Variants in HTR4 observed in about 807,000 individuals in gnomAD.
HTR4 encodes the protein 5-hydroxytryptamine receptor 4, also known as 5-hydroxytryptamine (serotonin) receptor 4, G protein-coupled.
HTR4 carries 16 observed loss-of-function variants against 36.8 expected under a neutral mutation model. The observed-to-expected ratio is 0.43, with a 90% CI of 0.29 to 0.66. The LOEUF (loss-of-function observed/expected upper bound fraction) is 0.66. Among genes scored for constraint, HTR4 ranks in the 30% least tolerant of loss-of-function variants. HTR4 has a pLI of 0.13. For missense variants in HTR4, 438 were observed against 490.9 expected (o/e 0.89, Z 1.02); for synonymous variants, 189 against 185.1 (o/e 1.02, Z -0.17).
chr5:148,600,851 A>G (rs1480876479), intron 2 of HTR4, among the ~76,000 whole-genome samples: 1 of 151,780 alleles, frequency 6.6e-6, no homozygotes. Flanking sequence ...AAGCTCCTCC[A>G]TAGCAAAATA....
intron 2 of HTR4, among the ~76,000 whole-genome samples, chr5:148,594,696 C>T (rs1761704800): frequency 6.6e-6 from 1 of 152,096 alleles, no homozygotes; most frequent in Admixed American, 6.6e-5. Flanking sequence ...TACCGCAACC[C>T]AGTCACTGTT....
At chr5:148,579,891 G>A (rs1265829868) in intron 2 of HTR4, among the ~76,000 whole-genome samples, 2 of 151,940 alleles carry the variant, frequency 1.3e-5, no homozygotes, top group Admixed American at 1.3e-4. Context: ...GATTTAAAGG[G>A]CTCATCTGAT....
At chr5:148,555,604 C>G (rs1254470149) in intron 2 of HTR4, among the ~76,000 whole-genome samples, 1 of 152,190 alleles carries the variant, frequency 6.6e-6, no homozygotes, top group Non-Finnish European at 1.5e-5. Context: ...TCAAGCAATC[C>G]TGTCAACCAC....
intron 2 of HTR4, among the ~76,000 whole-genome samples, chr5:148,598,470 T>A (rs1310340773): frequency 3.3e-5 from 5 of 151,880 alleles, no homozygotes; most frequent in African/African-American, 7.3e-5. Context: ...GAGAAACACT[T>A]GAACCCGGGA....
At chr5:148,475,611 C>A (rs1168973915), downstream of HTR4, among the ~76,000 whole-genome samples, 2 of 152,212 alleles carry the variant, frequency 1.3e-5, no homozygotes, top group Non-Finnish European at 2.9e-5. Context: ...GTCCTCTTAG[C>A]CTTTGCCTTC....
At chr5:148,459,345 G>C (rs1755206324) in intron 5 of HTR4, among the ~76,000 whole-genome samples, 1 of 152,176 alleles carries the variant, frequency 6.6e-6, no homozygotes, top group South Asian at 2.1e-4. Flanking sequence ...GCTTCTGACA[G>C]GGAGGAGGGA....
At chr5:148,592,823 GTA>G (rs1250749488) in intron 2 of HTR4, among the ~76,000 whole-genome samples, 3 of 151,836 alleles carry the variant, frequency 2.0e-5, no homozygotes, top group African/African-American at 7.3e-5. Flanking sequence ...ATTTATCTCT[GTA>G]CTACCACTTT....
intron 5 of HTR4, among the ~76,000 whole-genome samples, chr5:148,464,503 A>G (rs372680241): frequency 3.9e-4 from 60 of 152,318 alleles, no homozygotes; most frequent in African/African-American, 1.4e-3. Context: ...TGCTGCACAT[A>G]TATCATCAGG....
chr5:148,456,104 C>G (rs773794347), intron 5 of HTR4, among the ~76,000 whole-genome samples: 2 of 152,128 alleles, frequency 1.3e-5, no homozygotes, highest in Non-Finnish European at 2.9e-5. Context: ...GAAGGAGGAA[C>G]TAGTCCAAGC....
chr5:148,505,863 G>A (rs759197280), intron 6 of HTR4, among the ~76,000 whole-genome samples: 1 of 152,070 alleles, frequency 6.6e-6, no homozygotes, highest in Non-Finnish European at 1.5e-5. Context: ...ACTGCTCAAC[G>A]AAATAAAAGA....
At chr5:148,503,400 T>A (rs1469864511) in intron 6 of HTR4, among the ~76,000 whole-genome samples, 1 of 152,118 alleles carries the variant, frequency 6.6e-6, no homozygotes, top group Non-Finnish European at 1.5e-5. Flanking sequence ...CTAAGCTTCA[T>A]AAGTGAAGGA....
At chr5:148,460,594 T>C (rs1318290960) in intron 5 of HTR4, among the ~76,000 whole-genome samples, 1 of 151,900 alleles carries the variant, frequency 6.6e-6, no homozygotes. Context: ...AAAAAGAAAT[T>C]GAGGGAATTT....
chr5:148,502,594 C>A (rs79464466), intron 6 of HTR4, among the ~76,000 whole-genome samples: 1 of 151,672 alleles, frequency 6.6e-6, no homozygotes, highest in Non-Finnish European at 1.5e-5. Context: ...GAGCACCTCT[C>A]CCCCTACAAA....
chr5:148,506,607 T>C (rs906017239), intron 6 of HTR4, among the ~76,000 whole-genome samples: 6 of 151,832 alleles, frequency 4.0e-5, no homozygotes, highest in Non-Finnish European at 8.8e-5. Flanking sequence ...TGGGAGAAAA[T>C]TTTTGCAATC....
intron 6 of HTR4, chr5:148,484,354 T>C (rs1189864119): frequency 6.2e-7 from 1 of 1,612,726 alleles, no homozygotes; most frequent in East Asian, 2.2e-5. Context: ...CTTGCTAAAA[T>C]GTCTCTGTCA....
intron 2 of HTR4, among the ~76,000 whole-genome samples, chr5:148,618,688 G>A (rs1752800632): frequency 6.6e-6 from 1 of 152,154 alleles, no homozygotes; most frequent in Non-Finnish European, 1.5e-5. Context: ...ACTCATTTGT[G>A]CCTGCTTTCC....
intron 2 of HTR4, among the ~76,000 whole-genome samples, chr5:148,620,746 A>G (rs1007491786): frequency 6.6e-6 from 1 of 152,298 alleles, no homozygotes; most frequent in African/African-American, 2.4e-5. Context: ...TTATATTTCT[A>G]TTGGACAACC....
chr5:148,507,434 T>C (rs1757278352), intron 6 of HTR4, among the ~76,000 whole-genome samples: 4 of 149,600 alleles, frequency 2.7e-5, no homozygotes, highest in Admixed American at 2.7e-4. Context: ...AATGACGAGT[T>C]AATGGGTGCA....
In HTR4 at chr5:148,593,831, C is replaced by G. The variant is rs554065228; in HGVS notation, c.26+43158G>C. 1.2e-4 allele frequency among the ~76,000 whole-genome samples: 19 copies of G among 152,284 alleles called. No individual in the cohort carries two copies. In the South Asian group the frequency reaches 3.9e-3, roughly 32 times the overall value. On this transcript the variant is annotated intron_variant, in intron 2 of 6. Transcript: ENST00000377888. ...TGGCTTTTATCTCTTGCAAATTTCTCTTGAATGCCTTTATACAAATGACCA... is the reference window on the plus strand; with the variant it reads ...TGGCTTTTATCTCTTGCAAATTTCTGTTGAATGCCTTTATACAAATGACCA...
Sources: gnomAD v4.1 joint callset for allele counts (sites outside exome capture counted in the v4.1 genomes callset) on GRCh38, gnomAD v4.1.1 for gene constraint, MANE v1.5 for transcripts, NCBI Gene and HGNC (gene_info 2026-07-23, HGNC 2026-07-21) for gene names.